IRAG2: variants seen among roughly 807,000 people sequenced by gnomAD.
IRAG2 encodes the protein lymphoid restricted membrane protein.
Under a neutral mutation model 69.9 loss-of-function variants are expected in IRAG2, and 45 were observed. That is an observed-to-expected ratio of 0.64 (90% CI 0.51 to 0.83). The LOEUF (loss-of-function observed/expected upper bound fraction) is 0.83. Among genes scored for constraint, IRAG2 ranks in the 40% least tolerant of loss-of-function variants. The pLI, the probability that IRAG2 is intolerant of heterozygous loss-of-function variation, is 0.00. For missense variants in IRAG2, 520 were observed against 587.0 expected, an observed-to-expected ratio of 0.89 and a Z score of 1.18; for synonymous variants, 193 against 202.4, an observed-to-expected ratio of 0.95 and a Z score of 0.40.
At chr12:25,023,574 C>T (rs910410618) in intron 7 of IRAG2, among the ~76,000 whole-genome samples, 4 of 152,192 alleles carry the variant, frequency 2.6e-5, no homozygotes, top group African/African-American at 9.7e-5. Flanking sequence ...AACTACCTGT[C>T]ATAAATGAAG....
At chr12:25,049,936 T>C (rs1944827504), upstream of IRAG2, among the ~76,000 whole-genome samples, 1 of 134,436 alleles carries the variant, frequency 7.4e-6, no homozygotes, top group Non-Finnish European at 1.5e-5. Flanking sequence ...TGAGCCAAGA[T>C]TGTGCCACTG....
chr12:25,039,103 A>G (rs1053109915), intron 16 of IRAG2, among the ~76,000 whole-genome samples: 1 of 152,240 alleles, frequency 6.6e-6, no homozygotes, highest in Non-Finnish European at 1.5e-5. Flanking sequence ...TATAGCTGCT[A>G]GGACCATACT....
intron 4 of IRAG2, among the ~76,000 whole-genome samples, chr12:25,064,601 G>A (rs1052264935): frequency 6.6e-6 from 1 of 152,180 alleles, no homozygotes; most frequent in Non-Finnish European, 1.5e-5. Context: ...AAAAAGAAAT[G>A]ATTATCAAAG....
intron 11 of IRAG2, among the ~76,000 whole-genome samples, chr12:25,088,841 A>G (rs1454702629): frequency 6.6e-6 from 1 of 152,206 alleles, no homozygotes; most frequent in African/African-American, 2.4e-5. Context: ...TGAGGATTGA[A>G]TAAATTAATA....
chr12:25,103,353 G>C (rs1423843582), intron 17 of IRAG2: 2 of 154,388 alleles, frequency 1.3e-5, no homozygotes, highest in Non-Finnish European at 2.9e-5. Flanking sequence ...CCTGAGTTGG[G>C]AGAAATCTTT....
intron 10 of IRAG2, among the ~76,000 whole-genome samples, chr12:25,087,179 T>TG: frequency 5.1e-5 from 7 of 136,332 alleles, no homozygotes; most frequent in African/African-American, 2.0e-4. Flanking sequence ...TTTTTTTTTT[T>TG]TTTGTTGAGA....
rs1944572740 is a variant in IRAG2 at position 25,020,829 on chromosome 12, AGAACTGGAG to A, written c.1261_1269del (p.Glu421_Leu423del). Reference sequence around the variant, plus strand: ...TTATGAGAACAAATCTGTTAAAAGAAGAACTGGAGGAACTGAAACTTAGTATGAATGCTT... The same window carrying A: ...TTATGAGAACAAATCTGTTAAAAGAAGAACTGAAACTTAGTATGAATGCTT... On this transcript the variant is annotated inframe_deletion, in exon 7 of 39. Coordinates refer to the IRAG2 transcript ENST00000636465. 2.4e-6 allele frequency: 3 copies of A among 1,232,136 alleles called. No individual in the cohort carries two copies. In the East Asian group the frequency reaches 9.5e-5, roughly 39 times the overall value. The allele number at this position is 1,232,136 out of a possible 1,614,324, so 76.3% of individuals were successfully genotyped here.
chr12:25,045,256 T>G (rs1441834302), intron 16 of IRAG2, among the ~76,000 whole-genome samples: 2 of 152,020 alleles, frequency 1.3e-5, no homozygotes, highest in Non-Finnish European at 2.9e-5. Context: ...GCAGTACTCC[T>G]AAGAGGGCAT....
intron 9 of IRAG2, among the ~76,000 whole-genome samples, chr12:25,080,750 A>G (rs554670963): frequency 6.6e-6 from 1 of 152,228 alleles, no homozygotes; most frequent in African/African-American, 2.4e-5. Flanking sequence ...AATCCATTTC[A>G]TGGGTTAATT....
intron 8 of IRAG2, among the ~76,000 whole-genome samples, chr12:25,026,610 G>C (rs912388023): frequency 1.2e-4 from 18 of 152,272 alleles, no homozygotes; most frequent in Non-Finnish European, 2.4e-4. Context: ...TGGAGGGGCT[G>C]CAGTGACTGG....
chr12:25,013,496 CA>C (rs1944493878), intron 3 of IRAG2, among the ~76,000 whole-genome samples: 3 of 152,028 alleles, frequency 2.0e-5, no homozygotes, highest in African/African-American at 7.2e-5. Flanking sequence ...AAACAAAAGA[CA>C]AAAGGCAGGC....
At position 25,017,207 on chromosome 12, in the gene IRAG2, A is replaced by T; in HGVS notation, c.1129A>T (p.Lys377Ter). ...AAGAAAACTTGAGGAAGAAAATAAT[A>T]AGTTTAAGTTGGCTTTAGAAACCCT... The change falls in exon 6 of 39, where the codon AAG (lysine) becomes TAG (stop). Residue 377 changes from lysine to a stop codon, truncating the protein, a stop_gained. Coordinates refer to the IRAG2 transcript ENST00000636465. LOFTEE classifies it high-confidence loss of function. 2 of 1,232,126 alleles carry T rather than the reference A, an allele frequency of 1.6e-6. No individual in the cohort carries two copies. 76.3% of individuals were successfully genotyped at this position (1,232,126 alleles called of 1,614,324 possible). A position where few individuals can be genotyped will look rare whatever the true frequency, so the allele number is the denominator to read the frequency against.
rs79684413 is a variant in IRAG2, at chr12:25,016,838, A to G, written c.1056-296A>G. ...GAAATAGGAACTCTTCGTTTAGAAG[A>G]CAAATGTTGAGAGTGAAGGGGAAAA... On this transcript the variant is annotated intron_variant, in intron 5 of 38. Coordinates refer to the IRAG2 transcript ENST00000636465. 6.3e-3 allele frequency among the ~76,000 whole-genome samples: 967 copies of G among 152,296 alleles called. 18 individuals carry two copies. Among genetic ancestry groups the G allele is most frequent in the African/African-American group, 0.023 (937 of 41,556 alleles).
chr12:25,090,358 A>G (rs977478826), intron 14 of IRAG2, among the ~76,000 whole-genome samples, 161 bp downstream of exon 14: 4 of 137,896 alleles, frequency 2.9e-5, no homozygotes, highest in African/African-American at 8.1e-5. Flanking sequence ...CCTGGGCAAC[A>G]TAGTGGGACC....
At chr12:25,047,261 G>T (rs1944802369) in intron 16 of IRAG2, among the ~76,000 whole-genome samples, 1 of 152,124 alleles carries the variant, frequency 6.6e-6, no homozygotes, top group Non-Finnish European at 1.5e-5. Flanking sequence ...ATTGGTCTTG[G>T]CAAGATTTCT....
intron 1 of IRAG2, among the ~76,000 whole-genome samples, chr12:25,055,868 T>A (rs1041462155): frequency 1.3e-4 from 20 of 152,234 alleles, no homozygotes; most frequent in African/African-American, 4.8e-4. Flanking sequence ...AATCATGGAC[T>A]AATTGATACA....
At chr12:25,038,272 CTGTT>C (rs1393422663) in intron 16 of IRAG2, 1 of 392,428 alleles carries the variant, frequency 2.5e-6, no homozygotes, top group African/African-American at 2.1e-5. Context: ...AGAAGATATT[CTGTT>C]TGATAATTCT....
At position 25,066,413 on chromosome 12, in the gene IRAG2, C is replaced by T. The variant is rs1273398081; in HGVS notation, c.-158C>T. On this transcript the variant is annotated 5_prime_UTR_variant, in exon 5 of 22. Coordinates refer to ENST00000556887, the MANE Select transcript of IRAG2 (RefSeq NM_001366544.2). ...ACAGCAGTTCCAACCCTGGAATCAA[C>T]ACCTTTCTCAGGTGTAGCCAACCAA... is the stretch of plus-strand genomic sequence containing the variant. 3 of 401,034 alleles carry T rather than the reference C, an allele frequency of 7.5e-6. No homozygotes were observed. The highest frequency in any genetic ancestry group is 4.1e-5 in the African/African-American group (2 of 48,696). 24.8% of individuals were successfully genotyped at this position (401,034 alleles called of 1,614,324 possible). A position where few individuals can be genotyped will look rare whatever the true frequency, so the allele number is the denominator to read the frequency against.
At chr12:25,107,784 G>T (rs758024054) in intron 21 of IRAG2, 33 bp from the exon 22 acceptor site, 2 of 1,594,698 alleles carry the variant, frequency 1.3e-6, no homozygotes, top group Admixed American at 1.7e-5. Context: ...ACAAATTACC[G>T]ATTACCAAAT....
Sources: gnomAD v4.1 joint callset for allele counts (sites outside exome capture counted in the v4.1 genomes callset) on GRCh38, gnomAD v4.1.1 for gene constraint, MANE v1.5 for transcripts, NCBI Gene and HGNC (gene_info 2026-07-23, HGNC 2026-07-21) for gene names.